The following XKR9 variants were observed in gnomAD, a reference collection of about 807,000 sequenced individuals.
The protein encoded by XKR9 is XK related 9.
Under a neutral mutation model 32.0 loss-of-function variants are expected in XKR9, and 32 were observed. The observed-to-expected ratio is 1.00, with a 90% confidence interval of 0.76 to 1.34. The LOEUF (loss-of-function observed/expected upper bound fraction) is 1.34, where lower values mean the gene tolerates loss of function less well. XKR9 is among the 40% of genes most tolerant of loss of function. XKR9 has a pLI of 0.00. For missense variants in XKR9, 546 were observed against 429.7 expected, an observed-to-expected ratio of 1.27 and a Z score of -2.39; for synonymous variants, 168 against 143.4, an observed-to-expected ratio of 1.17 and a Z score of -1.22.
chr8:70,718,211 C>T (rs1024395425), intron 4 of XKR9, among the ~76,000 whole-genome samples: 2 of 152,128 alleles, frequency 1.3e-5, no homozygotes, highest in Non-Finnish European at 2.9e-5. Flanking sequence ...CAGACTGTTC[C>T]AACCTCAGCC....
chr8:70,734,288 T>C lies in XKR9; in HGVS notation c.986T>C (p.Leu329Pro). 6.2e-7 allele frequency: 1 copy of C among 1,612,820 alleles called. No individual in the cohort carries two copies. Among genetic ancestry groups the C allele is most frequent in the Non-Finnish European group, 8.5e-7 (1 of 1,179,318 alleles). Residue 329 changes from leucine (L) to proline (P), a missense_variant, in exon 5 of 5, where the codon CTT becomes CCT. By Grantham distance (98) the Leu-to-Pro change is moderately conservative (BLOSUM62 -3). Coordinates refer to ENST00000408926, the MANE Select transcript of XKR9 (RefSeq NM_001011720.2). ...ATCAGTATAACTATAGTTCTTACTC[T>C]TCTTCTTGGAATTCTTTTTCTTATT... ...IPISITIVLT[L>P]LLGILFLIVY...
chr8:70,699,761 A>G (rs1369665480), intron 3 of XKR9, among the ~76,000 whole-genome samples: 1 of 152,150 alleles, frequency 6.6e-6, no homozygotes, highest in African/African-American at 2.4e-5. Context: ...TCTCCTGGAT[A>G]ATATCCTGCA....
the XKR9 span, among the ~76,000 whole-genome samples, chr8:70,994,171 A>G: frequency 1.1e-4 from 16 of 152,248 alleles, no homozygotes; most frequent in Non-Finnish European, 1.9e-4. Context: ...CAAGTCAAAG[A>G]TTAATTAACC....
At position 70,735,105 on chromosome 8, in the gene XKR9, AATT is replaced by A. The variant is rs1455954787; in HGVS notation, c.*684_*686del. ...TTTAAAATTATTTTTATTTTTAAAA[AATT>A]ATGGTAAAAACATATAAAATTTACC... On this transcript the variant is annotated 3_prime_UTR_variant, in exon 5 of 5. Transcript: ENST00000408926. 2 of 152,130 alleles carry A rather than the reference AATT, an allele frequency of 1.3e-5. No individual in the cohort carries two copies. Among genetic ancestry groups the A allele is most frequent in the African/African-American group, 2.4e-5 (1 of 41,446 alleles). 9.4% of individuals were successfully genotyped at this position (152,130 alleles called of 1,614,324 possible). A position where few individuals can be genotyped will look rare whatever the true frequency, so the allele number is the denominator to read the frequency against.
chr8:70,745,777 A>G (rs934537465), intron 2 of XKR9, among the ~76,000 whole-genome samples: 3 of 152,218 alleles, frequency 2.0e-5, no homozygotes, highest in Non-Finnish European at 4.4e-5. Context: ...ATGTATTGCT[A>G]CAAGCCAGGA....
chr8:70,787,487 C>G (rs920524527), intron 2 of XKR9, among the ~76,000 whole-genome samples: 2 of 152,170 alleles, frequency 1.3e-5, no homozygotes, highest in Non-Finnish European at 1.5e-5. Flanking sequence ...AAACCCAGGA[C>G]CTGAGGAGAG....
intron 4 of XKR9, among the ~76,000 whole-genome samples, chr8:70,712,037 G>A (rs971747776): frequency 6.6e-6 from 1 of 152,114 alleles, no homozygotes; most frequent in Non-Finnish European, 1.5e-5. Flanking sequence ...AAGACTGAAC[G>A]TATTCTTTTA....
chr8:71,013,656 T>G, the XKR9 span, among the ~76,000 whole-genome samples: 1 of 152,198 alleles, frequency 6.6e-6, no homozygotes, highest in African/African-American at 2.4e-5. Context: ...TGTTGCAGAA[T>G]GTCAGCTACT....
chr8:70,933,635 TG>T, the XKR9 span, among the ~76,000 whole-genome samples: 2 of 152,026 alleles, frequency 1.3e-5, no homozygotes, highest in African/African-American at 4.8e-5. Context: ...TTCTCCTAAG[TG>T]ATAAGAATCA....
At chr8:70,980,623 A>T in the XKR9 span, among the ~76,000 whole-genome samples, 1 of 152,202 alleles carries the variant, frequency 6.6e-6, no homozygotes, top group East Asian at 1.9e-4. Context: ...GGCCATTTAA[A>T]TTCAATGTTA....
chr8:70,850,985 T>A, the XKR9 span, among the ~76,000 whole-genome samples: 5 of 152,176 alleles, frequency 3.3e-5, no homozygotes, highest in Middle Eastern at 3.2e-3. Flanking sequence ...AGAGAGGAAG[T>A]CAAGTTATCT....
the XKR9 span, among the ~76,000 whole-genome samples, chr8:70,861,263 G>A: frequency 5.3e-5 from 8 of 152,080 alleles, no homozygotes; most frequent in East Asian, 1.9e-4. Context: ...TCCTCCACTC[G>A]GTAGTTGTGT....
At chr8:70,795,155 AGT>A (rs1807812448), downstream of XKR9, among the ~76,000 whole-genome samples, 1 of 151,666 alleles carries the variant, frequency 6.6e-6, no homozygotes, top group South Asian at 2.1e-4. Flanking sequence ...GATAGGCCCC[AGT>A]GTGTGTTTTT....
chr8:71,048,945 A>T, the XKR9 span, among the ~76,000 whole-genome samples: 1 of 152,190 alleles, frequency 6.6e-6, no homozygotes, highest in South Asian at 2.1e-4. Context: ...AAAATAACTA[A>T]TGTACTTGGT....
chr8:71,033,647 T>C, the XKR9 span, among the ~76,000 whole-genome samples: 1 of 152,180 alleles, frequency 6.6e-6, no homozygotes, highest in African/African-American at 2.4e-5. Context: ...CTCATGGGAA[T>C]GGATTAGTTC....
At chr8:70,792,836 G>A (rs62508811), downstream of XKR9, among the ~76,000 whole-genome samples, 79 of 152,172 alleles carry the variant, frequency 5.2e-4, no homozygotes, top group Non-Finnish European at 8.7e-4. Context: ...CCTTTCTACC[G>A]TGTGAGAACA....
chr8:70,989,308 C>T, the XKR9 span, among the ~76,000 whole-genome samples: 1 of 152,146 alleles, frequency 6.6e-6, no homozygotes, highest in East Asian at 1.9e-4. Context: ...TTAGTGTTTG[C>T]TGTTAATAAA....
chr8:70,866,737 G>C, the XKR9 span, among the ~76,000 whole-genome samples: 3 of 151,454 alleles, frequency 2.0e-5, no homozygotes, highest in East Asian at 5.8e-4. Context: ...CACCCCCCTT[G>C]GCCTCCCAAA....
the XKR9 span, among the ~76,000 whole-genome samples, chr8:70,976,182 C>A: frequency 6.6e-6 from 1 of 152,222 alleles, no homozygotes; most frequent in African/African-American, 2.4e-5. Context: ...ATCATGTCAT[C>A]TGCAGAGAGG....
Sources: gnomAD v4.1 joint callset for allele counts (sites outside exome capture counted in the v4.1 genomes callset) on GRCh38, gnomAD v4.1.1 for gene constraint, MANE v1.5 for transcripts, NCBI Gene and HGNC (gene_info 2026-07-23, HGNC 2026-07-21) for gene names.